GALNT17: variants seen among roughly 807,000 people sequenced by gnomAD.
GALNT17 encodes the protein UDP-GalNAc:polypeptide N-acetylgalactosaminyltransferase-like 3.
A neutral mutation model predicts 63.7 loss-of-function variants in GALNT17; 29 were observed. The ratio of observed to expected loss-of-function variants is 0.46; its 90% CI spans 0.34 to 0.62. The LOEUF is 0.62. Ranked by LOEUF, GALNT17 falls within the 20% of genes least tolerant of loss-of-function variation. GALNT17 has a pLI of 0.01. For synonymous variants in GALNT17, 305 were observed against 318.3 expected (o/e 0.96, Z 0.45); for missense variants, 603 against 799.6 (o/e 0.75, Z 2.97).
chr7:71,710,026 G>A (rs529045382), intron 9 of GALNT17, among the ~76,000 whole-genome samples: 5 of 152,300 alleles, frequency 3.3e-5, no homozygotes, highest in African/African-American at 9.6e-5. Context: ...TTGCAGCAGG[G>A]TAGATTTAGT....
intron 1 of GALNT17, among the ~76,000 whole-genome samples, chr7:71,236,301 A>AT (rs1789890351): frequency 6.6e-6 from 1 of 152,132 alleles, no homozygotes; most frequent in Admixed American, 6.5e-5. Flanking sequence ...ATCTCAGGGT[A>AT]TTTTAATTTT....
chr7:71,160,418 T>G (rs1788320315), intron 1 of GALNT17, among the ~76,000 whole-genome samples: 1 of 152,216 alleles, frequency 6.6e-6, no homozygotes, highest in African/African-American at 2.4e-5. Context: ...GGCAGATACA[T>G]AGTAGGCTGC....
chr7:71,550,691 A>G (rs1239604561), intron 5 of GALNT17, among the ~76,000 whole-genome samples: 2 of 152,114 alleles, frequency 1.3e-5, no homozygotes, highest in African/African-American at 4.8e-5. Flanking sequence ...GCCTTCATTC[A>G]GTATTCTTTA....
intron 1 of GALNT17, among the ~76,000 whole-genome samples, chr7:71,282,662 C>G (rs1477210333): frequency 6.9e-6 from 1 of 145,358 alleles, no homozygotes; most frequent in Non-Finnish European, 1.6e-5. Flanking sequence ...ATCCTGAGTC[C>G]TATGGACTCA....
chr7:71,228,748 G>T (rs1202971940), intron 1 of GALNT17, among the ~76,000 whole-genome samples: 1 of 152,136 alleles, frequency 6.6e-6, no homozygotes. Context: ...AAAACTTGTG[G>T]TTGCATTTTG....
intron 2 of GALNT17, among the ~76,000 whole-genome samples, chr7:71,358,089 C>T (rs1792323195): frequency 1.3e-5 from 2 of 152,206 alleles, no homozygotes; most frequent in Non-Finnish European, 2.9e-5. Flanking sequence ...CACAATAAGT[C>T]TTGCTGCTGC....
At chr7:71,688,760 G>A (rs1460322183) in intron 9 of GALNT17, among the ~76,000 whole-genome samples, 1 of 152,138 alleles carries the variant, frequency 6.6e-6, no homozygotes, top group African/African-American at 2.4e-5. Context: ...ATCTGTTCCT[G>A]TTTGATCATA....
intron 5 of GALNT17, among the ~76,000 whole-genome samples, chr7:71,523,912 G>A (rs1338312616): frequency 1.3e-5 from 2 of 151,676 alleles, no homozygotes; most frequent in African/African-American, 4.8e-5. Flanking sequence ...GAGGTCAGGA[G>A]ATCGAGACCA....
At chr7:71,417,309 A>T (rs150109943) in intron 4 of GALNT17, among the ~76,000 whole-genome samples, 1 of 152,302 alleles carries the variant, frequency 6.6e-6, no homozygotes, top group Non-Finnish European at 1.5e-5. Flanking sequence ...GTGACCACGT[A>T]AGAAACCCAG....
intron 6 of GALNT17, among the ~76,000 whole-genome samples, chr7:71,664,014 A>AT (rs1554321158): frequency 0.037 from 4,407 of 119,002 alleles, 76 homozygotes; most frequent in Middle Eastern, 0.077. Flanking sequence ...TCCATAAATT[A>AT]ATTTTTTTTT....
intron 5 of GALNT17, among the ~76,000 whole-genome samples, chr7:71,464,621 C>T (rs951315633): frequency 1.3e-5 from 2 of 152,138 alleles, no homozygotes; most frequent in Admixed American, 1.3e-4. Context: ...TTCATTCTTT[C>T]CTGTTTCCTT....
At chr7:71,201,549 T>G (rs1370633653) in intron 1 of GALNT17, among the ~76,000 whole-genome samples, 1 of 151,980 alleles carries the variant, frequency 6.6e-6, no homozygotes, top group East Asian at 1.9e-4. Context: ...GATACGGATC[T>G]AAGTTTGTTT....
chr7:71,586,514 G>A (rs542309291), intron 6 of GALNT17, among the ~76,000 whole-genome samples: 9 of 152,226 alleles, frequency 5.9e-5, no homozygotes, highest in South Asian at 2.1e-4. Flanking sequence ...TTTAGATTTC[G>A]CTTGGGTAGA....
intron 9 of GALNT17, among the ~76,000 whole-genome samples, chr7:71,678,071 C>A (rs1310811637): frequency 6.6e-6 from 1 of 152,122 alleles, no homozygotes; most frequent in Non-Finnish European, 1.5e-5. Flanking sequence ...GCAAAGCAAC[C>A]TAGAACCCAG....
chr7:71,150,266 A>T (rs1374242620), intron 1 of GALNT17, among the ~76,000 whole-genome samples: 1 of 152,056 alleles, frequency 6.6e-6, no homozygotes, highest in Non-Finnish European at 1.5e-5. Flanking sequence ...GTCAATATCA[A>T]GCGGCATAGA....
At chr7:71,190,330 C>G (rs1788928807) in intron 1 of GALNT17, among the ~76,000 whole-genome samples, 1 of 152,124 alleles carries the variant, frequency 6.6e-6, no homozygotes, top group Admixed American at 6.5e-5. Context: ...TTGGTGCTGT[C>G]TTCCTGATAG....
At chr7:71,493,087 G>A (rs1053866932) in intron 5 of GALNT17, among the ~76,000 whole-genome samples, 4 of 152,216 alleles carry the variant, frequency 2.6e-5, no homozygotes, top group Non-Finnish European at 5.9e-5. Context: ...CATAAATTCA[G>A]ACAGGTAGTA....
chr7:71,297,257 C>T (rs1487938711), intron 1 of GALNT17, among the ~76,000 whole-genome samples: 2 of 152,144 alleles, frequency 1.3e-5, no homozygotes, highest in Non-Finnish European at 2.9e-5. Context: ...CAAAAGACGC[C>T]TGGGGCCGGG....
chr7:71,478,555 A>T (rs961335089), intron 5 of GALNT17, among the ~76,000 whole-genome samples: 15 of 152,006 alleles, frequency 9.9e-5, no homozygotes, highest in Admixed American at 9.8e-4. Context: ...GGCTCAACCT[A>T]TCCTCCCACC....
Sources: allele counts gnomAD v4.1 joint callset (sites outside exome capture counted in the v4.1 genomes callset), GRCh38; gene constraint gnomAD v4.1.1; transcripts MANE v1.5; gene names NCBI Gene and HGNC (gene_info 2026-07-23, HGNC 2026-07-21).